The following IGFALS variants were observed in gnomAD, a reference collection of about 807,000 sequenced individuals.
The protein encoded by IGFALS is insulin-like growth factor-binding protein complex acid labile subunit.
Under a neutral mutation model 2.6 loss-of-function variants are expected in IGFALS, and 2 were observed. That is an observed-to-expected ratio of 0.77 (90% CI 0.32 to 2.44). The LOEUF is 2.44. Among genes scored for constraint, IGFALS ranks in the 30% most tolerant of loss-of-function variants. The pLI, the probability that IGFALS is intolerant of heterozygous loss-of-function variation, is 0.11. For synonymous variants in IGFALS, 519 were observed against 431.9 expected, an observed-to-expected ratio of 1.20 and a Z score of -2.50; for missense variants, 996 against 848.7, an observed-to-expected ratio of 1.17 and a Z score of -2.16.
chr16:1,793,504 A>T, intron 1 of IGFALS, 133 bp downstream of exon 1: 1 of 753,856 alleles, frequency 1.3e-6, no homozygotes, highest in Non-Finnish European at 2.1e-6. Flanking sequence ...TGGGCTCCCC[A>T]GAGTCCCCCG....
chr16:1,793,103 G>GC (rs1002007655), intron 1 of IGFALS, among the ~76,000 whole-genome samples: 4 of 152,270 alleles, frequency 2.6e-5, no homozygotes, highest in East Asian at 3.9e-4. Context: ...CTACTGTATG[G>GC]CCCCCCCATC....
At position 1,790,792 on chromosome 16, in the gene IGFALS, G is replaced by A. The variant is rs765624618; in HGVS notation, c.1626C>T (p.Cys542=). ...CGAAGTCCCGCAGCGCCTTGAGAGG[G>A]CAGCCACAGTCCCAGGGGTTACCCT... ...WLEGNPWDCG[C]PLKALRDFAL... is the part of the protein sequence containing the mutation. Residue 542 remains cysteine, a synonymous_variant, in exon 2 of 2, where the codon TGC becomes TGT. Transcript: ENST00000215539. 6.4e-6 allele frequency: 10 copies of A among 1,574,538 alleles called. No homozygotes were observed. Among genetic ancestry groups the A allele is most frequent in the Non-Finnish European group, 7.7e-6 (9 of 1,161,750 alleles).
chr16:1,793,776 C>T, upstream of IGFALS: 1 of 975,964 alleles, frequency 1.0e-6, no homozygotes. Flanking sequence ...CTGGCCCAAC[C>T]CAGCTGGCCC....
intron 1 of IGFALS, 46 bp downstream of exon 1, chr16:1,793,591 G>A: frequency 1.9e-6 from 3 of 1,578,614 alleles, no homozygotes; most frequent in Non-Finnish European, 2.6e-6. Context: ...CAGGGTCACA[G>A]ACTGGCCACC....
Position 1,792,052 on chromosome 16 carries a change from C to T in IGFALS, c.366G>A (p.Glu122=), listed in dbSNP as rs1897241250. Residue 122 remains glutamate (E), a synonymous_variant, in exon 2 of 2, where the codon GAG becomes GAA. Coordinates refer to ENST00000215539, the MANE Select transcript of IGFALS (RefSeq NM_004970.3). ...SLEPQALLGL[E]NLCHLHLERN... ...GCTCCAGGTGCAGGTGGCACAGGTT[C>T]TCTAGGCCCAGCAGCGCCTGTGGCT... is the stretch of plus-strand genomic sequence containing the variant. 1 of 1,610,562 alleles carries T rather than the reference C, an allele frequency of 6.2e-7. No individual in the cohort carries two copies. Among genetic ancestry groups the T allele is most frequent in the Non-Finnish European group, 8.5e-7 (1 of 1,179,426 alleles).
At chr16:1,793,342 C>T (rs1462593657) in intron 1 of IGFALS, among the ~76,000 whole-genome samples, 2 of 152,088 alleles carry the variant, frequency 1.3e-5, no homozygotes, top group Non-Finnish European at 2.9e-5. Context: ...CACTTCCCGC[C>T]GCTGTGCTGG....
rs1470543813 is a variant in IGFALS, at chr16:1,792,093, G to A, written c.325C>T (p.Gln109Ter). The A allele has an allele frequency of 6.2e-7, 1 of 1,610,278 alleles. No homozygotes were observed. Among genetic ancestry groups the A allele is most frequent in the Non-Finnish European group, 8.5e-7 (1 of 1,179,280 alleles). ...SLGFLNLQGG[Q>*]LGSLEPQALL... ...GCCTGTGGCTCCAGGCTGCCCAGCT[G>A]GCCGCCCTGCAGGTTGAGGAAGCCC... Residue 109 changes from glutamine (Q) to a stop codon, truncating the protein, a stop_gained, in exon 2 of 2, where the codon CAG becomes TAG. Transcript: ENST00000215539. LOFTEE classifies it low-confidence loss of function (END_TRUNC).
Position 1,791,515 on chromosome 16 carries a change from G to A in IGFALS, c.903C>T (p.Ala301=). 1 of 1,602,840 alleles carries A rather than the reference G, an allele frequency of 6.2e-7. No homozygotes were observed. The highest frequency in any genetic ancestry group is 8.5e-7 in the Non-Finnish European group (1 of 1,175,640). The change falls in exon 2 of 2, where the codon GCC becomes GCT. Residue 301 remains alanine (A), a synonymous_variant. Coordinates refer to ENST00000215539, the MANE Select transcript of IGFALS (RefSeq NM_004970.3). ...GLRVLRLSHN[A]IASLRPRTFK... ...AGGTGCGGGGCCGCAGGCTGGCGAT[G>A]GCGTTGTGGGACAGCCGCAGCACAC...
At position 1,790,450 on chromosome 16, in the gene IGFALS, T is replaced by C. The variant is rs1596884098; in HGVS notation, c.*150A>G. 1 of 721,642 alleles carries C rather than the reference T, an allele frequency of 1.4e-6. No homozygotes were observed. Among genetic ancestry groups the C allele is most frequent in the East Asian group, 2.7e-5 (1 of 36,950 alleles). The allele number at this position is 721,642 out of a possible 1,614,324, so 44.7% of individuals were successfully genotyped here. On this transcript the variant is annotated 3_prime_UTR_variant, in exon 2 of 2. Transcript: ENST00000215539. ...GCCTTTGCCTTTAATTGATGACAGC[T>C]GGGGGGGCCGCCATGCCTTCCACCC...
rs771730351 is a variant in IGFALS, at chr16:1,791,320, G to C, written c.1098C>G (p.Val366=). 1 of 1,608,612 alleles carries C rather than the reference G, an allele frequency of 6.2e-7. No individual in the cohort carries two copies. The highest frequency in any genetic ancestry group is 2.2e-5 in the East Asian group (1 of 44,868). ...GAFLGLTNVA[V]MNLSGNCLRN... ...GGAGACAGTTCCCAGAGAGGTTCAT[G>C]ACCGCCACGTTGGTGAGGCCGAGGA... Residue 366 remains valine (V), a synonymous_variant, in exon 2 of 2, where the codon GTC becomes GTG. Transcript: ENST00000215539.
rs35947557 is a variant in IGFALS, at chr16:1,792,129, G to A, written c.289C>T (p.Leu97Phe). The change falls in exon 2 of 2, where the codon CTC (leucine) becomes TTC (phenylalanine). Residue 97 changes from leucine to phenylalanine, a missense_variant. Transcript: ENST00000215539. ...AGGTTGAGGAAGCCCAGGCTGGAGA[G>A]GTTCTGGAAGGCTGCCGGGGGGACG... ...SSVPPAAFQN[L>F]SSLGFLNLQG... is the part of the protein sequence containing the mutation. 1.3e-3 allele frequency: 2,108 copies of A among 1,611,552 alleles called. 57 individuals are homozygous for A. The East Asian group carries it at 0.041, about 31-fold the overall frequency.
At position 1,791,193 on chromosome 16, in the gene IGFALS, G is replaced by A. The variant is rs755597815; in HGVS notation, c.1225C>T (p.Leu409Phe). ...AGGAAGAGTCGGCGGAGCCCCGAGA[G>A]GCCGGTGAAGGTGTGCGGGCGGATG... Reference protein sequence around the residue: ...GRIRPHTFTGLSGLRRLFLKD... With the variant: ...GRIRPHTFTGFSGLRRLFLKD... The change falls in exon 2 of 2, where the codon CTC (leucine) becomes TTC (phenylalanine). Residue 409 changes from leucine (L) to phenylalanine (F), a missense_variant. Physicochemically the swap from Leu to Phe is conservative, Grantham distance 22. Transcript: ENST00000215539. 14 of 1,607,690 alleles carry A rather than the reference G, an allele frequency of 8.7e-6. No individual in the cohort carries two copies. The highest frequency in any genetic ancestry group is 6.6e-5 in the South Asian group (6 of 91,080).
chr16:1,792,579 C>T, intron 1 of IGFALS, 178 bp from the exon 2 acceptor site: 3 of 1,241,822 alleles, frequency 2.4e-6, no homozygotes, highest in Non-Finnish European at 3.2e-6. Context: ...CACTGCGCTT[C>T]CCACCCCATG....
chr16:1,793,697 G>A lies in IGFALS; in HGVS notation c.-45C>T, dbSNP rs756900569. 21 of 1,563,866 alleles carry A rather than the reference G, an allele frequency of 1.3e-5. No homozygotes were observed. In the Middle Eastern group the frequency reaches 5.3e-4, roughly 39 times the overall value. On this transcript the variant is annotated 5_prime_UTR_variant, in exon 1 of 2. The change creates a new upstream start codon in the 5' untranslated region. Coordinates refer to ENST00000215539, the MANE Select transcript of IGFALS (RefSeq NM_004970.3). The stretch of plus-strand genomic sequence containing the variant: ...GCAGGCAGGCAGCGAGGGAGGGTAC[G>A]TCTGCTGTGCCGGCCACCCCTGCCC...
chr16:1,793,814 C>T (rs1443680212), upstream of IGFALS: 6 of 622,116 alleles, frequency 9.6e-6, no homozygotes, highest in East Asian at 6.0e-5. Flanking sequence ...TCGTGCCGGG[C>T]GGCCGGCATC....
chr16:1,794,375 C>T (rs1897291068), upstream of IGFALS, among the ~76,000 whole-genome samples: 1 of 152,180 alleles, frequency 6.6e-6, no homozygotes, highest in African/African-American at 2.4e-5. Flanking sequence ...CTGCGCCATC[C>T]TCGGGGAGTG....
In IGFALS at chr16:1,792,323, G is replaced by A. The variant is rs533856081; in HGVS notation, c.95C>T (p.Thr32Met). ...PRSLEGADPG[T>M]PGEAEGPACP... ...CGCTGGGCCCTCGGCTTCCCCCGGC[G>A]TTCCGGGGTCTGCTCCCTCCAGGCT... Residue 32 changes from threonine (T) to methionine (M), a missense_variant, in exon 2 of 2, where the codon ACG becomes ATG. Coordinates refer to ENST00000215539, the MANE Select transcript of IGFALS (RefSeq NM_004970.3). 5.6e-5 allele frequency: 89 copies of A among 1,596,322 alleles called. No homozygotes were observed. The East Asian group carries it at 5.8e-4, about 10-fold the overall frequency.
In IGFALS at chr16:1,791,865, G is replaced by C. The variant is rs1897235890; in HGVS notation, c.553C>G (p.Leu185Val). The change falls in exon 2 of 2, where the codon CTC becomes GTC. Residue 185 changes from leucine (L) to valine (V), a missense_variant. Leu to Val is a conservative substitution (Grantham distance 32). Transcript: ENST00000215539. Reference sequence around the variant, plus strand: ...AGGCCGCGGAACGCCGCATCGGGGAGCACCGCCAGGCTATTCCAGCCGAGG... The same window carrying C: ...AGGCCGCGGAACGCCGCATCGGGGACCACCGCCAGGCTATTCCAGCCGAGG... Reference protein sequence around the residue: ...LNLGWNSLAVLPDAAFRGLGS... With the variant: ...LNLGWNSLAVVPDAAFRGLGS... 6.4e-7 allele frequency: 1 copy of C among 1,557,824 alleles called. No homozygotes were observed. The highest frequency in any genetic ancestry group is 1.4e-5 in the African/African-American group (1 of 73,536).
In IGFALS at chr16:1,790,868, G is replaced by A. The variant is rs1596885175; in HGVS notation, c.1550C>T (p.Ser517Leu). Residue 517 changes from serine to leucine, a missense_variant, in exon 2 of 2, where the codon TCA (serine) becomes TTA (leucine). By Grantham distance (145) the Ser-to-Leu change is moderately radical. Coordinates refer to ENST00000215539, the MANE Select transcript of IGFALS (RefSeq NM_004970.3). The stretch of plus-strand genomic sequence containing the variant: ...GGGCTGCGGCGTGAAGGTCCGCAGT[G>A]AGTTGTTCCTGAGGCTGAGGTAGCG... ...RLRYLSLRNN[S>L]LRTFTPQPPG... 1 of 1,569,440 alleles carries A rather than the reference G, an allele frequency of 6.4e-7. No homozygotes were observed. The highest frequency in any genetic ancestry group is 1.2e-5 in the South Asian group (1 of 86,274).
Sources: allele counts gnomAD v4.1 joint callset (sites outside exome capture counted in the v4.1 genomes callset), GRCh38; gene constraint gnomAD v4.1.1; transcripts MANE v1.5; gene names NCBI Gene and HGNC (gene_info 2026-07-23, HGNC 2026-07-21).